Variants in MALRD1 observed in about 807,000 individuals in gnomAD.
MALRD1 encodes MAM and LDL receptor class A domain containing 1.
A neutral mutation model predicts 242.1 loss-of-function variants in MALRD1; 247 were observed. That is an observed-to-expected ratio of 1.02 (90% CI 0.92 to 1.13). The LOEUF (loss-of-function observed/expected upper bound fraction) is 1.13. Among genes scored for constraint, MALRD1 ranks in the 50% most tolerant of loss-of-function variants. The probability of loss-of-function intolerance (pLI) is 0.00; values close to 1 mark genes in which losing one functional copy is unlikely to be tolerated. For missense variants in MALRD1, 2,989 were observed against 2,533.1 expected (o/e 1.18, Z -3.86); for synonymous variants, 995 against 866.6 (o/e 1.15, Z -2.60).
In MALRD1 at chr10:19,268,581, G is replaced by C. The variant is rs529652143; in HGVS notation, c.3079+10810G>C. 1.4e-4 allele frequency among the ~76,000 whole-genome samples: 22 copies of C among 152,172 alleles called. No individual in the cohort carries two copies. The East Asian group carries it at 3.1e-3, about 21-fold the overall frequency. ...ATTTCTTAACTCAAAAAGTCACAGG[G>C]AAAACGTATACGTTGTTAGCTACAG... On this transcript the variant is annotated intron_variant, in intron 19 of 39. Coordinates refer to ENST00000454679, the MANE Select transcript of MALRD1 (RefSeq NM_001142308.3).
chr10:19,065,674 T>C (rs149279352), intron 1 of MALRD1, among the ~76,000 whole-genome samples: 7 of 152,310 alleles, frequency 4.6e-5, no homozygotes, highest in African/African-American at 1.2e-4. Flanking sequence ...GTGACATTCA[T>C]AGACATTACA....
At chr10:19,491,810 A>G (rs1259396507) in intron 30 of MALRD1, among the ~76,000 whole-genome samples, 165 bp downstream of exon 30, 1 of 152,212 alleles carries the variant, frequency 6.6e-6, no homozygotes, top group East Asian at 1.9e-4. Context: ...CAAGTATCAA[A>G]TACAAATACA....
intron 19 of MALRD1, among the ~76,000 whole-genome samples, chr10:19,262,596 C>T (rs1255948678): frequency 6.7e-6 from 1 of 148,362 alleles, no homozygotes; most frequent in Non-Finnish European, 1.5e-5. Context: ...GTGGAAGTTG[C>T]AGTGAGCCAA....
chr10:19,583,967 C>T (rs1277857348), intron 33 of MALRD1, among the ~76,000 whole-genome samples: 1 of 151,988 alleles, frequency 6.6e-6, no homozygotes, highest in Non-Finnish European at 1.5e-5. Flanking sequence ...GTGTGTGTGT[C>T]GAGGAATTTA....
chr10:19,245,580 C>G (rs1839010358), intron 18 of MALRD1, among the ~76,000 whole-genome samples: 1 of 152,120 alleles, frequency 6.6e-6, no homozygotes, highest in Non-Finnish European at 1.5e-5. Context: ...TAAAATATCT[C>G]AGTTATCAGG....
chr10:19,698,839 G>A (rs1833490389), intron 38 of MALRD1, among the ~76,000 whole-genome samples: 1 of 152,174 alleles, frequency 6.6e-6, no homozygotes, highest in African/African-American at 2.4e-5. Flanking sequence ...TAAAAAGACT[G>A]TGGTATGGAA....
At chr10:19,353,995 A>G (rs965790688) in intron 26 of MALRD1, among the ~76,000 whole-genome samples, 11 of 151,958 alleles carry the variant, frequency 7.2e-5, no homozygotes, top group African/African-American at 1.4e-4. Context: ...CCAAAGTCCT[A>G]GGATTTCAGG....
chr10:19,427,748 TTTGG>T (rs1210726891), intron 28 of MALRD1, among the ~76,000 whole-genome samples: 1 of 152,134 alleles, frequency 6.6e-6, no homozygotes, highest in African/African-American at 2.4e-5. Flanking sequence ...TTACATCTAT[TTTGG>T]GGTTAATATT....
rs556831176 is a variant in MALRD1 at position 19,116,496 on chromosome 10, C to G, written c.695-6996C>G. On this transcript the variant is annotated intron_variant, in intron 5 of 39. Transcript: ENST00000454679. ...TGAAATCCACTACAAATAAGGATAA[C>G]TGACACATTGTCTAAAACCTCTGGA... 5.9e-5 allele frequency among the ~76,000 whole-genome samples: 9 copies of G among 152,296 alleles called. No homozygotes were observed. The South Asian group carries it at 1.2e-3, about 21-fold the overall frequency.
chr10:19,327,777 T>TG (rs1843200082), intron 23 of MALRD1, 104 bp downstream of exon 23: 2 of 925,006 alleles, frequency 2.2e-6, no homozygotes, highest in African/African-American at 1.6e-5. Context: ...ATTCCCTTTT[T>TG]GATGTGTTCT....
At chr10:19,135,974 A>G (rs1373437440) in intron 9 of MALRD1, among the ~76,000 whole-genome samples, 1 of 152,222 alleles carries the variant, frequency 6.6e-6, no homozygotes, top group Non-Finnish European at 1.5e-5. Context: ...ACTTTAATTG[A>G]CACTTCTTTT....
intron 21 of MALRD1, among the ~76,000 whole-genome samples, chr10:19,306,333 C>T (rs186641226): frequency 2.1e-3 from 284 of 135,032 alleles, no homozygotes; most frequent in Non-Finnish European, 3.9e-3. Flanking sequence ...TATATAGTGT[C>T]GTATATATAC....
intron 19 of MALRD1, among the ~76,000 whole-genome samples, chr10:19,279,586 C>T (rs1226444696): frequency 2.0e-5 from 3 of 152,118 alleles, no homozygotes; most frequent in Non-Finnish European, 4.4e-5. Flanking sequence ...TTGACTCTTT[C>T]CTGAAACCTT....
At chr10:19,441,958 T>C (rs1166685920) in intron 28 of MALRD1, among the ~76,000 whole-genome samples, 2 of 152,164 alleles carry the variant, frequency 1.3e-5, no homozygotes, top group African/African-American at 4.8e-5. Context: ...ATTCTTCCTA[T>C]CCATGAGCAT....
At chr10:19,539,186 T>C (rs894825875) in intron 32 of MALRD1, among the ~76,000 whole-genome samples, 1 of 152,206 alleles carries the variant, frequency 6.6e-6, no homozygotes, top group Admixed American at 6.5e-5. Context: ...TTAATTAGTC[T>C]GATTCTCACA....
intron 31 of MALRD1, among the ~76,000 whole-genome samples, chr10:19,516,932 A>G (rs1833661170): frequency 6.6e-6 from 1 of 152,174 alleles, no homozygotes; most frequent in Admixed American, 6.5e-5. Context: ...GTCTGCCTAA[A>G]CCAAGAAAGA....
chr10:19,234,483 TTC>T (rs750689552), intron 18 of MALRD1, among the ~76,000 whole-genome samples: 50 of 152,170 alleles, frequency 3.3e-4, no homozygotes, highest in Non-Finnish European at 5.6e-4. Context: ...ATTAGTTTAT[TTC>T]TCTCTTTTCA....
intron 21 of MALRD1, among the ~76,000 whole-genome samples, chr10:19,319,171 G>C (rs2039515): frequency 6.6e-6 from 1 of 152,022 alleles, no homozygotes; most frequent in Non-Finnish European, 1.5e-5. Flanking sequence ...CTTTTTTTCA[G>C]TATTTTCCTT....
intron 13 of MALRD1, among the ~76,000 whole-genome samples, chr10:19,172,693 A>G (rs986098736): frequency 6.6e-6 from 1 of 151,524 alleles, no homozygotes; most frequent in African/African-American, 2.4e-5. Flanking sequence ...TTCTCTGAGT[A>G]GCACAGACCT....
Sources: gnomAD v4.1 joint callset for allele counts (sites outside exome capture counted in the v4.1 genomes callset) on GRCh38, gnomAD v4.1.1 for gene constraint, MANE v1.5 for transcripts, NCBI Gene and HGNC (gene_info 2026-07-23, HGNC 2026-07-21) for gene names.